HDAC9: variants seen among roughly 807,000 people sequenced by gnomAD.
The protein encoded by HDAC9 is histone deacetylase 9.
In HDAC9, 41 loss-of-function variants were observed where a neutral mutation model predicts 139.4. That is an observed-to-expected ratio of 0.29 (90% CI 0.23 to 0.38). HDAC9 has a LOEUF of 0.38. HDAC9 is among the 10% of genes least tolerant of loss of function. HDAC9 has a pLI of 1.00. For synonymous variants in HDAC9, 517 were observed against 476.2 expected (o/e 1.09, Z -1.12); for missense variants, 1,147 against 1,297.0 (o/e 0.88, Z 1.78).
At chr7:18,588,995 C>G (rs1488573645) in intron 3 of HDAC9, among the ~76,000 whole-genome samples, 1 of 152,070 alleles carries the variant, frequency 6.6e-6, no homozygotes, top group Non-Finnish European at 1.5e-5. Flanking sequence ...AACTTAAAAA[C>G]TAAATTTTAT....
intron 1 of HDAC9, among the ~76,000 whole-genome samples, chr7:18,159,741 G>A (rs1440267496): frequency 6.6e-6 from 1 of 152,086 alleles, no homozygotes; most frequent in East Asian, 1.9e-4. Flanking sequence ...AAATGGAAAT[G>A]CAATAAATGG....
At chr7:18,593,280 C>T (rs1447563539) in intron 5 of HDAC9, among the ~76,000 whole-genome samples, 1 of 151,794 alleles carries the variant, frequency 6.6e-6, no homozygotes, top group Non-Finnish European at 1.5e-5. Context: ...ATATTCAGTC[C>T]TATAAACTAT....
chr7:18,774,786 A>C (rs555480689), intron 16 of HDAC9, among the ~76,000 whole-genome samples: 74 of 152,182 alleles, frequency 4.9e-4, no homozygotes, highest in African/African-American at 1.5e-3. Context: ...TTGTGTGTTC[A>C]CTGCAGTAGC....
intron 1 of HDAC9, among the ~76,000 whole-genome samples, chr7:18,146,688 A>T (rs1370744353): frequency 6.6e-6 from 1 of 152,130 alleles, no homozygotes; most frequent in Non-Finnish European, 1.5e-5. Flanking sequence ...TTCTTCTTGT[A>T]TTTATTTTTT....
intron 1 of HDAC9, among the ~76,000 whole-genome samples, chr7:18,319,990 C>G (rs1799915909): frequency 6.6e-6 from 1 of 152,130 alleles, no homozygotes; most frequent in African/African-American, 2.4e-5. Context: ...AAATGTTAAC[C>G]TTAACAATTC....
intron 1 of HDAC9, among the ~76,000 whole-genome samples, chr7:18,353,141 AC>A (rs987062963): frequency 2.0e-5 from 3 of 152,074 alleles, no homozygotes; most frequent in African/African-American, 7.2e-5. Flanking sequence ...GCTATACATG[AC>A]CCTGTGTTAT....
rs12539229 is a variant in HDAC9 at position 18,990,656 on chromosome 7, G to A, written c.3171-5367G>A. Among the ~76,000 whole-genome samples the A allele has an allele frequency of 2.3e-3, 343 of 152,330 alleles. 1 individual carries two copies. Among genetic ancestry groups the A allele is most frequent in the Admixed American group, 4.6e-3 (70 of 15,304 alleles). On this transcript the variant is annotated intron_variant, in intron 25 of 25. Transcript: ENST00000686413. The stretch of plus-strand genomic sequence containing the variant: ...GCGCCCCTCCCCCAGCCTGGCTGCC[G>A]CCTTGCAGTTTGATCTCAGACTGCT...
intron 1 of HDAC9, among the ~76,000 whole-genome samples, chr7:18,103,297 A>C (rs982370424): frequency 7.9e-5 from 12 of 152,232 alleles, no homozygotes; most frequent in African/African-American, 2.7e-4. Flanking sequence ...GGACACAGCC[A>C]AACCATATCA....
In HDAC9 at chr7:18,784,521, A is replaced by C. The variant is rs184391369; in HGVS notation, c.2215-8824A>C. ...AAAACAAAAAACAAAAAACAAAAAA[A>C]AAACTGAAGGCCACCAGGTGCTTGC... On this transcript the variant is annotated intron_variant, in intron 16 of 25. Coordinates refer to ENST00000686413, the MANE Select transcript of HDAC9 (RefSeq NM_178425.4). Among the ~76,000 whole-genome samples the C allele has an allele frequency of 5.9e-5, 9 of 152,202 alleles. No homozygotes were observed. The East Asian group carries it at 1.7e-3, about 29-fold the overall frequency.
At chr7:18,484,486 G>C (rs774106765) in intron 1 of HDAC9, among the ~76,000 whole-genome samples, 1 of 152,066 alleles carries the variant, frequency 6.6e-6, no homozygotes, top group African/African-American at 2.4e-5. Context: ...TGAGTGAAGT[G>C]CATATTTTAA....
At chr7:18,436,361 A>C (rs1205714676) in intron 1 of HDAC9, among the ~76,000 whole-genome samples, 1 of 152,184 alleles carries the variant, frequency 6.6e-6, no homozygotes, top group Non-Finnish European at 1.5e-5. Flanking sequence ...AGTCTTTGAA[A>C]GTTGGTGTAA....
intron 1 of HDAC9, among the ~76,000 whole-genome samples, chr7:18,112,377 T>G (rs1166010701): frequency 6.6e-6 from 1 of 152,114 alleles, no homozygotes; most frequent in African/African-American, 2.4e-5. Context: ...GTTAAACTTG[T>G]GTTGGTATAC....
intron 22 of HDAC9, among the ~76,000 whole-genome samples, chr7:18,888,293 C>T (rs908880649): frequency 4.6e-5 from 7 of 152,188 alleles, no homozygotes; most frequent in South Asian, 2.1e-4. Flanking sequence ...GGCGTGGTGG[C>T]GGGCGCCTGT....
intron 1 of HDAC9, among the ~76,000 whole-genome samples, chr7:18,429,690 A>G (rs1790460826): frequency 6.6e-6 from 1 of 152,216 alleles, no homozygotes; most frequent in Admixed American, 6.5e-5. Flanking sequence ...AAGTCATTCA[A>G]GAATGAATGC....
At chr7:18,688,210 A>G (rs1782416994) in intron 12 of HDAC9, among the ~76,000 whole-genome samples, 1 of 151,868 alleles carries the variant, frequency 6.6e-6, no homozygotes, top group South Asian at 2.1e-4. Context: ...AGGATTTCAA[A>G]AGCAATATCA....
chr7:18,914,773 G>T (rs940717442), intron 22 of HDAC9, among the ~76,000 whole-genome samples: 1 of 137,328 alleles, frequency 7.3e-6, no homozygotes, highest in African/African-American at 2.5e-5. Flanking sequence ...AGGTCATTAC[G>T]CTGGGAGAGA....
At chr7:18,432,814 G>A (rs1262919094) in intron 1 of HDAC9, among the ~76,000 whole-genome samples, 2 of 152,242 alleles carry the variant, frequency 1.3e-5, no homozygotes, top group East Asian at 1.9e-4. Flanking sequence ...AGCTGGGCAT[G>A]GTGGCAGGTG....
intron 2 of HDAC9, chr7:18,162,640 A>G: frequency 5.0e-6 from 2 of 400,290 alleles, no homozygotes; most frequent in Non-Finnish European, 9.2e-6. Context: ...ATGAATATGA[A>G]CTATTATATA....
At chr7:18,989,949 A>G (rs2129348898) in intron 25 of HDAC9, among the ~76,000 whole-genome samples, 1 of 151,528 alleles carries the variant, frequency 6.6e-6, no homozygotes, top group African/African-American at 2.4e-5. Flanking sequence ...CTAGTTATAC[A>G]TTCTTCTAAA....
Sources: allele counts gnomAD v4.1 joint callset (sites outside exome capture counted in the v4.1 genomes callset), GRCh38; gene constraint gnomAD v4.1.1; transcripts MANE v1.5; gene names NCBI Gene and HGNC (gene_info 2026-07-23, HGNC 2026-07-21).